Variants in SLC16A6 observed in about 807,000 individuals in gnomAD.
SLC16A6 encodes solute carrier family 16 member 6, also known as monocarboxylate transporter 7.
SLC16A6 carries 15 observed loss-of-function variants against 33.8 expected under a neutral mutation model. The observed-to-expected ratio is 0.44, with a 90% CI of 0.30 to 0.68. The LOEUF (loss-of-function observed/expected upper bound fraction) is 0.68. Ranked by LOEUF, SLC16A6 falls within the 30% of genes least tolerant of loss-of-function variation. The pLI is 0.10. For synonymous variants in SLC16A6, 219 were observed against 248.4 expected, an observed-to-expected ratio of 0.88 and a Z score of 1.11; for missense variants, 451 against 661.5, an observed-to-expected ratio of 0.68 and a Z score of 3.49.
Position 68,270,904 on chromosome 17 carries a change from G to A in SLC16A6, c.1256C>T (p.Ser419Phe). The A allele has an allele frequency of 6.2e-7, 1 of 1,614,194 alleles. No individual in the cohort carries two copies. Among genetic ancestry groups the A allele is most frequent in the Non-Finnish European group, 8.5e-7 (1 of 1,180,038 alleles). ...GAAGATGTAGACCCCAGCTGCAGAAGACATCTTCTCAATGCCCACGACATC... is the reference window on the plus strand; with the variant it reads ...GAAGATGTAGACCCCAGCTGCAGAAAACATCTTCTCAATGCCCACGACATC... ...EDDVVGIEKM[S>F]SAAGVYIFIQ... The change falls in exon 5 of 6, where the codon TCT becomes TTT. Residue 419 changes from serine (S) to phenylalanine (F), a missense_variant. Transcript: ENST00000580666.
At chr17:68,280,198 A>G (rs2075649821) in intron 1 of SLC16A6, among the ~76,000 whole-genome samples, 1 of 146,094 alleles carries the variant, frequency 6.8e-6, no homozygotes, top group Non-Finnish European at 1.5e-5. Flanking sequence ...AAAAAAAAAA[A>G]AAGAATTATT....
intron 1 of SLC16A6, among the ~76,000 whole-genome samples, chr17:68,284,429 A>G (rs1289814379): frequency 2.0e-5 from 3 of 152,182 alleles, no homozygotes; most frequent in East Asian, 1.9e-4. Flanking sequence ...AAATGTAAAA[A>G]GAAAATTCTT....
chr17:68,276,907 T>A (rs1157021338), intron 2 of SLC16A6, among the ~76,000 whole-genome samples: 3 of 152,212 alleles, frequency 2.0e-5, no homozygotes, highest in Non-Finnish European at 4.4e-5. Flanking sequence ...AAAATGATAC[T>A]GAAGCCCCAT....
Position 68,269,041 on chromosome 17 carries a change from G to T in SLC16A6, c.*55C>A, listed in dbSNP as rs2075242142. On this transcript the variant is annotated 3_prime_UTR_variant, in exon 6 of 6. Transcript: ENST00000580666. ...CCTCTGCCTCCTTGTGTCCCCGTTG[G>T]GCCCACCCCATCCCTCTCCAGCCAA... The T allele has an allele frequency of 6.3e-6, 10 of 1,592,362 alleles. No individual in the cohort carries two copies. The highest frequency in any genetic ancestry group is 8.5e-6 in the Non-Finnish European group (10 of 1,170,050).
rs782421181 is a variant in SLC16A6, at chr17:68,269,673, G to GTTTTTT, written c.1322-333_1322-328dup. On this transcript the variant is annotated intron_variant, in intron 5 of 5. Coordinates refer to ENST00000580666, the MANE Select transcript of SLC16A6 (RefSeq NM_004694.5). ...TTATTTTCACTTGAGTTCACTTTAGGTTTTTTTTTTTTTTTTTTAGACAGA... is the reference window on the plus strand; with the variant it reads ...TTATTTTCACTTGAGTTCACTTTAGGTTTTTTTTTTTTTTTTTTTTTTTTAGACAGA... Among the ~76,000 whole-genome samples, 17 of 77,912 alleles carry GTTTTTT rather than the reference G, an allele frequency of 2.2e-4. 5 individuals carry two copies. The highest frequency in any genetic ancestry group is 2.8e-4 in the Non-Finnish European group (13 of 46,102). 51.1% of individuals were successfully genotyped at this position (77,912 alleles called of 152,430 possible). A position where few individuals can be genotyped will look rare whatever the true frequency, so the allele number is the denominator to read the frequency against.
rs2075430660 is a variant in SLC16A6, at chr17:68,274,042, A to G, written c.261T>C (p.Arg87=). ...SAPLATVLSN[R]FGHRLVVMLG... is the part of the protein sequence containing the mutation. ...ACATCACTACCAGACGGTGTCCGAA[A>G]CGATTGCTCAGGACTGTGGCGAGGG... The change falls in exon 3 of 6, where the codon CGT becomes CGC. Residue 87 remains arginine (R), a synonymous_variant. Transcript: ENST00000580666. 1 of 1,614,146 alleles carries G rather than the reference A, an allele frequency of 6.2e-7. No individual in the cohort carries two copies. The highest frequency in any genetic ancestry group is 2.2e-5 in the East Asian group (1 of 44,886).
chr17:68,274,048 G>A lies in SLC16A6; in HGVS notation c.255C>T (p.Ser85=). The A allele has an allele frequency of 1.2e-6, 2 of 1,614,094 alleles. No individual in the cohort carries two copies. The highest frequency in any genetic ancestry group is 1.7e-6 in the Non-Finnish European group (2 of 1,179,984). The change falls in exon 3 of 6, where the codon AGC becomes AGT. Residue 85 remains serine, a synonymous_variant. Transcript: ENST00000580666. ...CTACCAGACGGTGTCCGAAACGATT[G>A]CTCAGGACTGTGGCGAGGGGAGCTG... ...TFSAPLATVL[S]NRFGHRLVVM...
chr17:68,273,908 G>A lies in SLC16A6; in HGVS notation c.376+19C>T, dbSNP rs182189710. The A allele has an allele frequency of 5.0e-6, 8 of 1,612,216 alleles. No individual in the cohort carries two copies. In the African/African-American group the frequency reaches 5.3e-5, roughly 11 times the overall value. Reference sequence around the variant, plus strand: ...AACTAAGTGTCTAGACAACTTCTGAGCCAAAGAGGAACACTTACCAGAGAT... The same window carrying A: ...AACTAAGTGTCTAGACAACTTCTGAACCAAAGAGGAACACTTACCAGAGAT... On this transcript the variant is annotated intron_variant, in intron 3 of 5. Transcript: ENST00000580666.
In SLC16A6 at chr17:68,273,123, GA is replaced by G. The variant is rs1315613270; in HGVS notation, c.377-357del. Among the ~76,000 whole-genome samples the G allele has an allele frequency of 2.0e-5, 3 of 151,976 alleles. No homozygotes were observed. In the East Asian group the frequency reaches 5.8e-4, roughly 29 times the overall value. On this transcript the variant is annotated intron_variant, in intron 3 of 5. Transcript: ENST00000580666. ...TCATTTCATATGTGCAGAAATACAG[GA>G]AAAATTTAAAGTCTGCAAATCTTAA...
intron 1 of SLC16A6, among the ~76,000 whole-genome samples, chr17:68,287,339 T>TA (rs1192883959): frequency 6.6e-6 from 1 of 151,838 alleles, no homozygotes; most frequent in Non-Finnish European, 1.5e-5. Flanking sequence ...TTTTTTTTTT[T>TA]AATAGAGACA....
chr17:68,276,887 T>G (rs2075541127), intron 2 of SLC16A6, among the ~76,000 whole-genome samples: 1 of 152,182 alleles, frequency 6.6e-6, no homozygotes, highest in African/African-American at 2.4e-5. Context: ...AAGTGAAGAT[T>G]AGTATGTTAA....
chr17:68,273,134 A>C (rs547050026), intron 3 of SLC16A6, among the ~76,000 whole-genome samples: 1 of 152,290 alleles, frequency 6.6e-6, no homozygotes, highest in South Asian at 2.1e-4. Context: ...AAAAATTTAA[A>C]GTCTGCAAAT....
Position 68,270,741 on chromosome 17 carries a change from T to C in SLC16A6, c.1321+98A>G. The stretch of plus-strand genomic sequence containing the variant: ...GCAGCTCTAAAATTCAATGGAAATA[T>C]AAAACGGCAGTAAGTTTTTTTTATG... On this transcript the variant is annotated intron_variant, in intron 5 of 5. Coordinates refer to ENST00000580666, the MANE Select transcript of SLC16A6 (RefSeq NM_004694.5). 7 of 1,043,824 alleles carry C rather than the reference T, an allele frequency of 6.7e-6. No homozygotes were observed. In the South Asian group the frequency reaches 6.7e-5, roughly 10 times the overall value. The allele number at this position is 1,043,824 out of a possible 1,614,324, so 64.7% of individuals were successfully genotyped here.
chr17:68,278,945 C>T (rs2075611322), intron 1 of SLC16A6, among the ~76,000 whole-genome samples: 2 of 152,112 alleles, frequency 1.3e-5, no homozygotes, highest in East Asian at 3.9e-4. Context: ...AAATCATGTA[C>T]AAGCAGTATA....
chr17:68,271,746 AT>A lies in SLC16A6; in HGVS notation c.506-93del. ...CCATCAAGAAGAAATATGGATCCAG[AT>A]TTTGTTATAAGTTCTGTGGAAATTT... On this transcript the variant is annotated intron_variant, in intron 4 of 5. Coordinates refer to ENST00000580666, the MANE Select transcript of SLC16A6 (RefSeq NM_004694.5). This position sits in a 1 kb window ranked among gnomAD's most constrained non-coding sequence, Gnocchi z 5.3. The A allele has an allele frequency of 1.1e-6, 1 of 937,246 alleles. No individual in the cohort carries two copies. Among genetic ancestry groups the A allele is most frequent in the Non-Finnish European group, 1.6e-6 (1 of 624,138 alleles). 58.1% of individuals were successfully genotyped at this position (937,246 alleles called of 1,614,324 possible).
chr17:68,288,919 G>C (rs183209959), intron 1 of SLC16A6, among the ~76,000 whole-genome samples: 22 of 152,246 alleles, frequency 1.4e-4, no homozygotes, highest in Admixed American at 3.9e-4. Context: ...TACAAAACTC[G>C]ACAATTCTGA....
Position 68,282,724 on chromosome 17 carries a change from A to G in SLC16A6, c.-7-4397T>C, listed in dbSNP as rs1599549086. 2.1e-5 allele frequency among the ~76,000 whole-genome samples: 3 copies of G among 144,738 alleles called. No individual in the cohort carries two copies. The South Asian group carries it at 6.9e-4, about 33-fold the overall frequency. 95.0% of individuals were successfully genotyped at this position (144,738 alleles called of 152,430 possible). Reference sequence around the variant, plus strand: ...TTTGGGAGGCCGAGATGGGTGGATCATGAGGTCAGGAGTTTGAGAGCAGTC... The same window carrying G: ...TTTGGGAGGCCGAGATGGGTGGATCGTGAGGTCAGGAGTTTGAGAGCAGTC... On this transcript the variant is annotated intron_variant, in intron 1 of 5. Coordinates refer to ENST00000580666, the MANE Select transcript of SLC16A6 (RefSeq NM_004694.5).
chr17:68,273,843 G>C (rs782796627), intron 3 of SLC16A6, 84 bp downstream of exon 3: 106 of 1,471,376 alleles, frequency 7.2e-5, no homozygotes, highest in Non-Finnish European at 9.3e-5. Flanking sequence ...AAGAAATATA[G>C]TTTGGCTTTA....
chr17:68,271,047 C>T lies in SLC16A6; in HGVS notation c.1113G>A (p.Val371=). ...TAGCAAAAGTAAAGGCAAACAGAGA[C>T]ACAGTCAATAAGATGACGCAGATGA... ...IELICVILLT[V]SLFAFTFATE... is the part of the protein sequence containing the mutation. The change falls in exon 5 of 6, where the codon GTG becomes GTA. Residue 371 remains valine, a synonymous_variant. Coordinates refer to ENST00000580666, the MANE Select transcript of SLC16A6 (RefSeq NM_004694.5). The surrounding 1 kb of genome is among the most constrained non-coding windows in gnomAD (Gnocchi z 5.3). The T allele has an allele frequency of 6.2e-7, 1 of 1,614,176 alleles. No homozygotes were observed.
Sources: allele counts gnomAD v4.1 joint callset (sites outside exome capture counted in the v4.1 genomes callset), GRCh38; gene constraint gnomAD v4.1.1; non-coding constraint Gnocchi (gnomAD v3.1); transcripts MANE v1.5; gene names NCBI Gene and HGNC (gene_info 2026-07-23, HGNC 2026-07-21).